Variants in IGF2BP2 observed in about 807,000 individuals in gnomAD.
IGF2BP2 encodes insulin-like growth factor 2 mRNA-binding protein 2.
A neutral mutation model predicts 75.8 loss-of-function variants in IGF2BP2; 17 were observed. The ratio of observed to expected loss-of-function variants is 0.22; its 90% CI spans 0.15 to 0.34. The LOEUF is 0.34. Ranked by LOEUF, IGF2BP2 falls within the 10% of genes least tolerant of loss-of-function variation. The pLI, the probability that IGF2BP2 is intolerant of heterozygous loss-of-function variation, is 1.00. For synonymous variants in IGF2BP2, 288 were observed against 295.6 expected (o/e 0.97, Z 0.26); for missense variants, 516 against 772.4 (o/e 0.67, Z 3.93).
chr3:185,648,032 G>A (rs1325859083), intron 14 of IGF2BP2, among the ~76,000 whole-genome samples: 1 of 152,240 alleles, frequency 6.6e-6, no homozygotes, highest in Non-Finnish European at 1.5e-5. Context: ...CGCAGTGTGT[G>A]CCCTGGAGCG....
intron 2 of IGF2BP2, among the ~76,000 whole-genome samples, chr3:185,782,719 T>C (rs531736343): frequency 1.5e-3 from 224 of 152,226 alleles, no homozygotes; most frequent in African/African-American, 5.1e-3. Context: ...CATAACTGTG[T>C]CCACACAGTG....
chr3:185,722,909 T>TA (rs1416015346), intron 2 of IGF2BP2, among the ~76,000 whole-genome samples: 1 of 152,202 alleles, frequency 6.6e-6, no homozygotes, highest in Admixed American at 6.5e-5. Context: ...CCCACTATGA[T>TA]AGAGTGTTTT....
intron 2 of IGF2BP2, among the ~76,000 whole-genome samples, chr3:185,743,284 T>C (rs917395937): frequency 2.0e-5 from 3 of 152,082 alleles, no homozygotes. Context: ...TTTATTTTTG[T>C]TTATTTTTTG....
intron 2 of IGF2BP2, among the ~76,000 whole-genome samples, chr3:185,778,402 G>A (rs1049443953): frequency 2.0e-5 from 3 of 152,146 alleles, no homozygotes; most frequent in African/African-American, 7.2e-5. Context: ...TCTACACAGC[G>A]GCCTAGCCAG....
In IGF2BP2 at chr3:185,692,174, A is replaced by C. The variant is rs1331153867; in HGVS notation, c.404+525T>G. Among the ~76,000 whole-genome samples, 4 of 152,160 alleles carry C rather than the reference A, an allele frequency of 2.6e-5. 1 individual carries two copies. Among genetic ancestry groups the C allele is most frequent in the Non-Finnish European group, 5.9e-5 (4 of 68,032 alleles). ...CCAAACCAGGTGCTATTGAGTAACCACTCTCAGACAATTCTCTCGGCTGCT... is the reference window on the plus strand; with the variant it reads ...CCAAACCAGGTGCTATTGAGTAACCCCTCTCAGACAATTCTCTCGGCTGCT... On this transcript the variant is annotated intron_variant, in intron 5 of 15. Coordinates refer to ENST00000382199, the MANE Select transcript of IGF2BP2 (RefSeq NM_006548.6).
chr3:185,672,129 T>C (rs1261547814), intron 10 of IGF2BP2, among the ~76,000 whole-genome samples: 6 of 152,218 alleles, frequency 3.9e-5, no homozygotes, highest in Non-Finnish European at 8.8e-5. Flanking sequence ...CTTGTAAACA[T>C]AGGTAGAAAC....
chr3:185,796,174 G>C (rs1316986203), intron 2 of IGF2BP2, among the ~76,000 whole-genome samples: 1 of 152,126 alleles, frequency 6.6e-6, no homozygotes, highest in South Asian at 2.1e-4. Context: ...GGATTACTAT[G>C]TCTTTTAATC....
intron 2 of IGF2BP2, among the ~76,000 whole-genome samples, chr3:185,753,025 C>T (rs918989932): frequency 6.6e-6 from 1 of 152,156 alleles, no homozygotes; most frequent in Non-Finnish European, 1.5e-5. Flanking sequence ...AAATCTAAGC[C>T]TTACAAGATA....
chr3:185,731,899 G>A (rs982347830), intron 2 of IGF2BP2, among the ~76,000 whole-genome samples: 3 of 151,886 alleles, frequency 2.0e-5, no homozygotes, highest in Admixed American at 2.0e-4. Flanking sequence ...GGAGAATGGC[G>A]TGAATCCGGG....
At chr3:185,723,773 G>A (rs1726917315) in intron 2 of IGF2BP2, among the ~76,000 whole-genome samples, 1 of 152,178 alleles carries the variant, frequency 6.6e-6, no homozygotes, top group African/African-American at 2.4e-5. Flanking sequence ...CATTCCAGAA[G>A]AACAGACAGC....
chr3:185,761,146 T>C (rs777906803), intron 2 of IGF2BP2, among the ~76,000 whole-genome samples: 2 of 152,104 alleles, frequency 1.3e-5, no homozygotes. Flanking sequence ...TAGGCTGATA[T>C]TCCCAAAAAC....
chr3:185,736,530 C>T (rs1215031956), intron 2 of IGF2BP2, among the ~76,000 whole-genome samples: 1 of 152,290 alleles, frequency 6.6e-6, no homozygotes, highest in African/African-American at 2.4e-5. Context: ...ACCATCATTC[C>T]CTACCCATGC....
rs11294125 is a variant in IGF2BP2 at position 185,727,217 on chromosome 3, C to CA, written c.240-28871dup. 5.8e-3 allele frequency among the ~76,000 whole-genome samples: 620 copies of CA among 106,112 alleles called. 1 individual carries two copies. Among genetic ancestry groups the CA allele is most frequent in the East Asian group, 0.017 (50 of 2,974 alleles). The allele number at this position is 106,112 out of a possible 152,430, so 69.6% of individuals were successfully genotyped here. A position where few individuals can be genotyped will look rare whatever the true frequency, so the allele number is the denominator to read the frequency against. ...TGGGCGACAGAGAGAGACTCCGTCT[C>CA]AAAAAAAAAAAAAAAAAGTAAAAGA... On this transcript the variant is annotated intron_variant, in intron 2 of 15. Coordinates refer to ENST00000382199, the MANE Select transcript of IGF2BP2 (RefSeq NM_006548.6).
intron 2 of IGF2BP2, among the ~76,000 whole-genome samples, chr3:185,804,411 G>A (rs570462423): frequency 3.4e-4 from 51 of 150,338 alleles, no homozygotes; most frequent in South Asian, 1.3e-3. Flanking sequence ...CAGCCTAGGC[G>A]ACAAGAGCGA....
At chr3:185,722,987 A>G (rs1279733487) in intron 2 of IGF2BP2, among the ~76,000 whole-genome samples, 2 of 152,174 alleles carry the variant, frequency 1.3e-5, no homozygotes, top group East Asian at 3.9e-4. Context: ...TTTTGTTCCC[A>G]AAGGGGTATG....
At chr3:185,804,342 G>A (rs1005573716) in intron 2 of IGF2BP2, among the ~76,000 whole-genome samples, 54 of 151,680 alleles carry the variant, frequency 3.6e-4, no homozygotes, top group African/African-American at 1.3e-3. Flanking sequence ...TGAGGCAGGA[G>A]AATTGCTTGA....
Position 185,687,111 on chromosome 3 carries a change from T to C in IGF2BP2, c.758A>G (p.Glu253Gly). The C allele has an allele frequency of 6.2e-7, 1 of 1,613,840 alleles. No individual in the cohort carries two copies. The highest frequency in any genetic ancestry group is 8.5e-7 in the Non-Finnish European group (1 of 1,179,952). Residue 253 changes from glutamate to glycine, a missense_variant, in exon 7 of 16, where the codon GAA becomes GGA. Glu to Gly is a moderately conservative substitution (Grantham distance 98). Coordinates refer to ENST00000382199, the MANE Select transcript of IGF2BP2 (RefSeq NM_006548.6). ...TIHATPEGTS[E>G]ACRMILEIMQ... ...GATTTCAAGAATCATGCGGCATGCT[T>C]CAGAAGTCCCCTCTGGGGTGGCATG...
At chr3:185,671,617 T>C (rs79429285) in intron 10 of IGF2BP2, among the ~76,000 whole-genome samples, 6,133 of 152,112 alleles carry the variant, frequency 0.04, 155 homozygotes, top group Non-Finnish European at 0.054. Context: ...TGTGCATATA[T>C]GTGACTCAGC....
intron 2 of IGF2BP2, chr3:185,724,322 G>A (rs1727013949): frequency 6.6e-6 from 1 of 152,228 alleles, no homozygotes; most frequent in African/African-American, 2.4e-5. Context: ...TGAGTTGTAA[G>A]CTTTCTAGGA....
Sources: allele counts gnomAD v4.1 joint callset (sites outside exome capture counted in the v4.1 genomes callset), GRCh38; gene constraint gnomAD v4.1.1; transcripts MANE v1.5; gene names NCBI Gene and HGNC (gene_info 2026-07-23, HGNC 2026-07-21).